NELL1: variants seen among roughly 807,000 people sequenced by gnomAD.
The protein encoded by NELL1 is neural EGFL like 1, also known as protein kinase C-binding protein NELL1.
In NELL1, 76 loss-of-function variants were observed where a neutral mutation model predicts 107.4. The ratio of observed to expected loss-of-function variants is 0.71; its 90% CI spans 0.59 to 0.86. The LOEUF is 0.86. NELL1 is among the 40% of genes least tolerant of loss of function. The pLI, the probability that NELL1 is intolerant of heterozygous loss-of-function variation, is 0.00. For synonymous variants in NELL1, 353 were observed against 341.2 expected (o/e 1.03, Z -0.38); for missense variants, 1,024 against 1,005.5 (o/e 1.02, Z -0.25).
At chr11:21,313,051 T>C (rs2133649651) in intron 14 of NELL1, among the ~76,000 whole-genome samples, 1 of 74,166 alleles carries the variant, frequency 1.3e-5, no homozygotes, top group East Asian at 2.9e-4. Flanking sequence ...ACTCCCCGTC[T>C]CAAAATAAAA....
At chr11:21,081,838 G>A (rs1297715879) in intron 12 of NELL1, among the ~76,000 whole-genome samples, 1 of 152,136 alleles carries the variant, frequency 6.6e-6, no homozygotes, top group Non-Finnish European at 1.5e-5. Context: ...CTAACTGTGT[G>A]TTCAGGGACT....
chr11:21,322,711 G>A (rs1590836101), intron 14 of NELL1, among the ~76,000 whole-genome samples: 2 of 152,134 alleles, frequency 1.3e-5, no homozygotes, highest in African/African-American at 2.4e-5. Flanking sequence ...CTGGTTCCAT[G>A]AAACCAGACT....
intron 14 of NELL1, among the ~76,000 whole-genome samples, chr11:21,291,921 G>A (rs188423264): frequency 7.9e-4 from 120 of 152,138 alleles, no homozygotes; most frequent in African/African-American, 2.6e-3. Flanking sequence ...TTGATGGAAC[G>A]TGTCTCAAAA....
At chr11:20,816,486 C>T (rs935170180) in intron 3 of NELL1, among the ~76,000 whole-genome samples, 1 of 152,078 alleles carries the variant, frequency 6.6e-6, no homozygotes, top group Non-Finnish European at 1.5e-5. Context: ...GATTTTTGTA[C>T]ATTGATTTTG....
intron 15 of NELL1, among the ~76,000 whole-genome samples, chr11:21,517,292 G>A (rs1239442146): frequency 1.3e-5 from 2 of 152,240 alleles, no homozygotes; most frequent in African/African-American, 2.4e-5. Context: ...GTCCTGCCCT[G>A]CACAGCGTTG....
chr11:20,763,059 C>T (rs2133959665), intron 2 of NELL1, among the ~76,000 whole-genome samples: 1 of 152,258 alleles, frequency 6.6e-6, no homozygotes, highest in African/African-American at 2.4e-5. Flanking sequence ...TCTGTGGATG[C>T]AGGGCTTAGT....
intron 3 of NELL1, among the ~76,000 whole-genome samples, chr11:20,815,543 T>C (rs966015101): frequency 1.1e-4 from 16 of 152,192 alleles, no homozygotes; most frequent in Non-Finnish European, 2.2e-4. Flanking sequence ...CCTTGTAGAT[T>C]GTAGTTATTA....
intron 12 of NELL1, among the ~76,000 whole-genome samples, chr11:20,964,984 G>A (rs146737688): frequency 4.0e-4 from 61 of 152,058 alleles, no homozygotes; most frequent in African/African-American, 1.1e-3. Flanking sequence ...TTGGGGGTGG[G>A]GAGTTATGCT....
intron 14 of NELL1, among the ~76,000 whole-genome samples, chr11:21,256,999 A>G (rs181588903): frequency 1.3e-5 from 2 of 152,074 alleles, no homozygotes; most frequent in East Asian, 3.9e-4. Flanking sequence ...CTCAGGCAGT[A>G]TGTCACTGCT....
chr11:21,331,809 A>T (rs554088713), intron 14 of NELL1, among the ~76,000 whole-genome samples: 43 of 152,104 alleles, frequency 2.8e-4, no homozygotes, highest in African/African-American at 1.0e-3. Flanking sequence ...GGTTTAGTTT[A>T]TTGCTCTTAT....
At chr11:21,075,865 CAGA>C (rs1854123199) in intron 12 of NELL1, among the ~76,000 whole-genome samples, 1 of 152,108 alleles carries the variant, frequency 6.6e-6, no homozygotes, top group Admixed American at 6.6e-5. Context: ...GTACAGAGTT[CAGA>C]AGAAGTATAG....
chr11:20,994,656 GC>G (rs1446326853), intron 12 of NELL1, among the ~76,000 whole-genome samples: 1 of 152,108 alleles, frequency 6.6e-6, no homozygotes, highest in East Asian at 1.9e-4. Context: ...CCTCATGCTT[GC>G]AGTAGATAGA....
chr11:21,551,536 A>T (rs1856583853), intron 16 of NELL1, among the ~76,000 whole-genome samples: 2 of 151,730 alleles, frequency 1.3e-5, no homozygotes, highest in Non-Finnish European at 2.9e-5. Context: ...ACATGAAAAA[A>T]TGCTCACCAT....
At chr11:21,275,045 A>C (rs1230122428) in intron 14 of NELL1, among the ~76,000 whole-genome samples, 1 of 152,328 alleles carries the variant, frequency 6.6e-6, no homozygotes, top group South Asian at 2.1e-4. Context: ...GAAATAACTA[A>C]GATCAGAGCA....
chr11:21,542,378 G>C (rs955272552), intron 16 of NELL1, among the ~76,000 whole-genome samples: 1 of 152,044 alleles, frequency 6.6e-6, no homozygotes. Flanking sequence ...TAGAGGAGAT[G>C]TTAGCCAGAG....
At chr11:21,437,738 T>G (rs949335403) in intron 15 of NELL1, among the ~76,000 whole-genome samples, 1 of 152,240 alleles carries the variant, frequency 6.6e-6, no homozygotes, top group Non-Finnish European at 1.5e-5. Context: ...GATTTTGTTT[T>G]CCATTTGTAT....
chr11:21,474,827 T>C (rs1455223731), intron 15 of NELL1, among the ~76,000 whole-genome samples: 1 of 152,198 alleles, frequency 6.6e-6, no homozygotes, highest in Non-Finnish European at 1.5e-5. Flanking sequence ...CACATAGTAA[T>C]CATTAATGCA....
At chr11:21,420,276 A>G (rs1852631171) in intron 15 of NELL1, among the ~76,000 whole-genome samples, 1 of 152,144 alleles carries the variant, frequency 6.6e-6, no homozygotes, top group Admixed American at 6.6e-5. Context: ...ATTAAATGAG[A>G]GAAGACTTAA....
At chr11:21,429,295 A>C (rs1346498254) in intron 15 of NELL1, among the ~76,000 whole-genome samples, 1 of 152,216 alleles carries the variant, frequency 6.6e-6, no homozygotes, top group African/African-American at 2.4e-5. Context: ...ATGGGCTTAA[A>C]TATTAAAGTA....
Sources: gnomAD v4.1 joint callset for allele counts (sites outside exome capture counted in the v4.1 genomes callset) on GRCh38, gnomAD v4.1.1 for gene constraint, MANE v1.5 for transcripts, NCBI Gene and HGNC (gene_info 2026-07-23, HGNC 2026-07-21) for gene names.